The following LHFPL3 variants were observed in gnomAD, a reference collection of about 807,000 sequenced individuals.
LHFPL3 encodes the protein LHFPL tetraspan subfamily member 3 protein.
In LHFPL3, 5 loss-of-function variants were observed where a neutral mutation model predicts 19.3. The ratio of observed to expected loss-of-function variants is 0.26; its 90% CI spans 0.14 to 0.54. The LOEUF is 0.54. LHFPL3 is among the 20% of genes least tolerant of loss of function. The probability of loss-of-function intolerance (pLI) is 0.94; values close to 1 mark genes in which losing one functional copy is unlikely to be tolerated. For missense variants in LHFPL3, 249 were observed against 307.4 expected, an observed-to-expected ratio of 0.81 and a Z score of 1.42; for synonymous variants, 133 against 126.2, an observed-to-expected ratio of 1.05 and a Z score of -0.36.
At chr7:104,721,321 A>G (rs1793487155) in intron 1 of LHFPL3, among the ~76,000 whole-genome samples, 2 of 152,178 alleles carry the variant, frequency 1.3e-5, no homozygotes, top group Admixed American at 1.3e-4. Flanking sequence ...TCTCCCTCAT[A>G]GGTGGGAACT....
At chr7:104,815,480 T>A (rs1790545815) in intron 2 of LHFPL3, among the ~76,000 whole-genome samples, 1 of 152,218 alleles carries the variant, frequency 6.6e-6, no homozygotes, top group South Asian at 2.1e-4. Context: ...TGTGCACTCT[T>A]CTGAATGTGT....
In LHFPL3 at chr7:104,668,990, G is replaced by A. The variant is rs1792419639; in HGVS notation, c.446-67685G>A. On this transcript the variant is annotated intron_variant, in intron 1 of 2. Coordinates refer to ENST00000424859, the MANE Select transcript of LHFPL3 (RefSeq NM_199000.3). The stretch of plus-strand genomic sequence containing the variant: ...AGTGAAGAAACTCAGGAACGGGAAC[G>A]GTCGAGGACAGGAAGTGAGTCATCA... 9.9e-6 allele frequency: 16 copies of A among 1,612,104 alleles called. No individual in the cohort carries two copies. In the East Asian group the frequency reaches 2.0e-4, roughly 20 times the overall value.
intron 1 of LHFPL3, among the ~76,000 whole-genome samples, chr7:104,455,558 TA>T (rs1792523062): frequency 6.6e-6 from 1 of 152,028 alleles, no homozygotes; most frequent in South Asian, 2.1e-4. Context: ...TCATCTCTAA[TA>T]AAAATACAAA....
intron 1 of LHFPL3, among the ~76,000 whole-genome samples, chr7:104,718,962 C>G (rs900262617): frequency 2.6e-5 from 4 of 152,110 alleles, no homozygotes; most frequent in African/African-American, 9.7e-5. Context: ...GAGAATTATG[C>G]TCTTTTCTTC....
chr7:104,408,020 T>C (rs1036165200), intron 1 of LHFPL3, among the ~76,000 whole-genome samples: 2 of 152,160 alleles, frequency 1.3e-5, no homozygotes, highest in South Asian at 2.1e-4. Context: ...GGATCTTCTT[T>C]TGAACCCTCC....
At chr7:104,670,945 C>T (rs1018151889) in intron 1 of LHFPL3, among the ~76,000 whole-genome samples, 2 of 151,658 alleles carry the variant, frequency 1.3e-5, no homozygotes, top group Non-Finnish European at 2.9e-5. Context: ...GTTTCTCTTG[C>T]AACACAGTAG....
intron 1 of LHFPL3, among the ~76,000 whole-genome samples, chr7:104,700,472 T>A (rs1360317473): frequency 1.3e-5 from 2 of 152,202 alleles, no homozygotes; most frequent in Non-Finnish European, 2.9e-5. Flanking sequence ...TCTTCCCTAG[T>A]GGGTAAGGAG....
At chr7:104,404,337 A>G (rs983386799) in intron 1 of LHFPL3, among the ~76,000 whole-genome samples, 6 of 152,242 alleles carry the variant, frequency 3.9e-5, no homozygotes, top group African/African-American at 7.2e-5. Flanking sequence ...TTTTAAAATA[A>G]AATGACATTT....
intron 1 of LHFPL3, among the ~76,000 whole-genome samples, chr7:104,702,938 T>C (rs888848762): frequency 5.3e-5 from 8 of 152,210 alleles, no homozygotes; most frequent in Admixed American, 3.9e-4. Flanking sequence ...TCAATAACAA[T>C]CCTCCCCTCC....
intron 1 of LHFPL3, among the ~76,000 whole-genome samples, chr7:104,365,520 G>A (rs1790469805): frequency 6.6e-6 from 1 of 151,256 alleles, no homozygotes; most frequent in Admixed American, 6.6e-5. Flanking sequence ...GGTGGCTCAC[G>A]CCTGTAATCC....
At chr7:104,510,242 A>G (rs889615950) in intron 1 of LHFPL3, among the ~76,000 whole-genome samples, 2 of 152,160 alleles carry the variant, frequency 1.3e-5, no homozygotes, top group African/African-American at 2.4e-5. Flanking sequence ...TCTAAAATTT[A>G]TATTGAAAGG....
chr7:104,532,337 T>TTG (rs1360052236), intron 1 of LHFPL3, among the ~76,000 whole-genome samples: 1 of 148,514 alleles, frequency 6.7e-6, no homozygotes, highest in African/African-American at 2.5e-5. Context: ...TTTTTTTTTT[T>TTG]TTTGGTTAAA....
At chr7:104,550,479 A>G (rs1295067442) in intron 1 of LHFPL3, among the ~76,000 whole-genome samples, 2 of 152,214 alleles carry the variant, frequency 1.3e-5, no homozygotes, top group Non-Finnish European at 2.9e-5. Flanking sequence ...GGCAACCATT[A>G]CATCATGAGT....
At position 104,877,883 on chromosome 7, in the gene LHFPL3, G is replaced by A. The variant is rs554124148; in HGVS notation, c.683-28304G>A. On this transcript the variant is annotated intron_variant, in intron 2 of 2. Transcript: ENST00000424859. ...GAGTCTTTCTCTGTCACCCAGGCTC[G>A]AGTGCAGTGGTGCAATCTCAGCTCA... Among the ~76,000 whole-genome samples the A allele has an allele frequency of 4.0e-5, 6 of 150,664 alleles. No individual in the cohort carries two copies. The South Asian group carries it at 6.3e-4, about 16-fold the overall frequency.
intron 1 of LHFPL3, among the ~76,000 whole-genome samples, chr7:104,681,782 A>G (rs1284864912): frequency 6.6e-6 from 1 of 152,208 alleles, no homozygotes; most frequent in Non-Finnish European, 1.5e-5. Flanking sequence ...TCCCACAAGT[A>G]TTCTTTCAAC....
At chr7:104,470,041 T>G (rs1285760291) in intron 1 of LHFPL3, 2 of 456,030 alleles carry the variant, frequency 4.4e-6, no homozygotes, top group Non-Finnish European at 8.8e-6. Flanking sequence ...CTTCGGGTGT[T>G]TACTGCCTTG....
At chr7:104,480,830 G>A (rs988204173) in intron 1 of LHFPL3, among the ~76,000 whole-genome samples, 1 of 152,198 alleles carries the variant, frequency 6.6e-6, no homozygotes, top group Non-Finnish European at 1.5e-5. Flanking sequence ...ATTTATATCA[G>A]TAGGTATTCG....
At chr7:104,358,890 G>A (rs1414769988) in intron 1 of LHFPL3, among the ~76,000 whole-genome samples, 1 of 152,188 alleles carries the variant, frequency 6.6e-6, no homozygotes, top group Non-Finnish European at 1.5e-5. Context: ...GCTGTTGCTC[G>A]ATGGATGTCA....
chr7:104,857,428 C>T (rs1343773635), intron 2 of LHFPL3, among the ~76,000 whole-genome samples: 1 of 152,076 alleles, frequency 6.6e-6, no homozygotes, highest in Non-Finnish European at 1.5e-5. Flanking sequence ...ACAACATATG[C>T]CAGACCTTAT....
Sources: gnomAD v4.1 joint callset for allele counts (sites outside exome capture counted in the v4.1 genomes callset) on GRCh38, gnomAD v4.1.1 for gene constraint, MANE v1.5 for transcripts, NCBI Gene and HGNC (gene_info 2026-07-23, HGNC 2026-07-21) for gene names.